The following ACOT13 variants were observed in gnomAD, a reference collection of about 807,000 sequenced individuals.
The protein encoded by ACOT13 is acyl-coenzyme A thioesterase 13.
In ACOT13, 10 loss-of-function variants were observed where a neutral mutation model predicts 11.8. The observed-to-expected ratio is 0.85, with a 90% CI of 0.53 to 1.44. The LOEUF (loss-of-function observed/expected upper bound fraction) is 1.44, where lower values mean the gene tolerates loss of function less well. Ranked by LOEUF, ACOT13 falls within the 40% of genes most tolerant of loss-of-function variation. The pLI, the probability that ACOT13 is intolerant of heterozygous loss-of-function variation, is 0.00. For missense variants in ACOT13, 172 were observed against 174.1 expected, an observed-to-expected ratio of 0.99 and a Z score of 0.07; for synonymous variants, 53 against 61.0, an observed-to-expected ratio of 0.87 and a Z score of 0.61.
At chr6:24,680,913 T>A (rs1463397343) in intron 1 of ACOT13, among the ~76,000 whole-genome samples, 1 of 152,236 alleles carries the variant, frequency 6.6e-6, no homozygotes, top group Non-Finnish European at 1.5e-5. Flanking sequence ...GCAATTTTTC[T>A]AACTCTGCTT....
intron 1 of ACOT13, among the ~76,000 whole-genome samples, chr6:24,677,831 T>C (rs937232018): frequency 1.3e-5 from 2 of 152,200 alleles, no homozygotes; most frequent in Admixed American, 1.3e-4. Flanking sequence ...CTTTAGGGTT[T>C]TGGGATGAGG....
At chr6:24,673,963 T>A (rs1299139806) in intron 1 of ACOT13, among the ~76,000 whole-genome samples, 2 of 152,254 alleles carry the variant, frequency 1.3e-5, no homozygotes, top group Non-Finnish European at 2.9e-5. Flanking sequence ...ACAAAAAAAA[T>A]TTGTTTTATA....
In ACOT13 at chr6:24,704,937, T is replaced by C. The variant is rs1778973948; in HGVS notation, c.*3322T>C. Reference sequence around the variant, plus strand: ...TTTCTTTTTCTTTTTTTCTTTTTTTTTCAAATTCCAACCAGAAGCTAAATA... The same window carrying C: ...TTTCTTTTTCTTTTTTTCTTTTTTTCTCAAATTCCAACCAGAAGCTAAATA... On this transcript the variant is annotated 3_prime_UTR_variant, in exon 3 of 3. Transcript: ENST00000230048. 6.6e-6 allele frequency: 1 copy of C among 152,452 alleles called. No individual in the cohort carries two copies. Among genetic ancestry groups the C allele is most frequent in the Admixed American group, 6.5e-5 (1 of 15,270 alleles). 9.4% of individuals were successfully genotyped at this position (152,452 alleles called of 1,614,324 possible). A position where few individuals can be genotyped will look rare whatever the true frequency, so the allele number is the denominator to read the frequency against.
intron 1 of ACOT13, among the ~76,000 whole-genome samples, chr6:24,683,500 C>T (rs985668619): frequency 4.0e-5 from 6 of 151,858 alleles, no homozygotes; most frequent in Admixed American, 1.3e-4. Context: ...TGTGCTGCTG[C>T]GCTCCAGCCT....
intron 1 of ACOT13, among the ~76,000 whole-genome samples, chr6:24,688,928 C>G (rs1476382803): frequency 6.6e-6 from 1 of 151,942 alleles, no homozygotes; most frequent in Non-Finnish European, 1.5e-5. Context: ...TAAGTAGGCA[C>G]AAAAGACATA....
chr6:24,671,815 C>T (rs548937632), intron 1 of ACOT13, among the ~76,000 whole-genome samples: 4 of 152,272 alleles, frequency 2.6e-5, no homozygotes, highest in Admixed American at 2.6e-4. Flanking sequence ...CTCTGTAGCA[C>T]ACAATAATTT....
chr6:24,682,262 C>G (rs1242175577), intron 1 of ACOT13, among the ~76,000 whole-genome samples: 1 of 152,190 alleles, frequency 6.6e-6, no homozygotes, highest in Non-Finnish European at 1.5e-5. Flanking sequence ...TATTACTCAC[C>G]GCTTTGGATG....
chr6:24,687,954 C>G (rs1056408613), intron 1 of ACOT13, among the ~76,000 whole-genome samples: 2 of 151,746 alleles, frequency 1.3e-5, no homozygotes, highest in South Asian at 2.1e-4. Flanking sequence ...CTCAAGTGAT[C>G]CTCCTGCCTC....
At chr6:24,694,540 C>T (rs1260242523) in intron 1 of ACOT13, among the ~76,000 whole-genome samples, 2 of 152,186 alleles carry the variant, frequency 1.3e-5, no homozygotes, top group Admixed American at 6.5e-5. Context: ...GTTGATATAA[C>T]TGAATAAACA....
chr6:24,668,322 G>A (rs1343630976), intron 1 of ACOT13, among the ~76,000 whole-genome samples: 1 of 151,768 alleles, frequency 6.6e-6, no homozygotes, highest in Non-Finnish European at 1.5e-5. Context: ...GGGTTCAAGT[G>A]ATTCTCATGC....
In ACOT13 at chr6:24,701,851, T is replaced by TTTTA; in HGVS notation, c.*238_*239insTATT. On this transcript the variant is annotated 3_prime_UTR_variant, in exon 3 of 3. Coordinates refer to ENST00000230048, the MANE Select transcript of ACOT13 (RefSeq NM_018473.4). ...GTGAAAAATTCTTAGCTCAAAGTGTTTTAAAAACAGGTAAAGCAAAGAAAC... is the reference window on the plus strand; with the variant it reads ...GTGAAAAATTCTTAGCTCAAAGTGTTTTTATTAAAAACAGGTAAAGCAAAGAAAC... The TTTTA allele has an allele frequency of 2.5e-6, 1 of 394,780 alleles. No homozygotes were observed. The highest frequency in any genetic ancestry group is 5.3e-5 in the South Asian group (1 of 18,878). 24.5% of individuals were successfully genotyped at this position (394,780 alleles called of 1,614,324 possible).
chr6:24,672,865 G>A (rs751551644), intron 1 of ACOT13, among the ~76,000 whole-genome samples: 6 of 152,070 alleles, frequency 3.9e-5, no homozygotes, highest in Non-Finnish European at 8.8e-5. Flanking sequence ...CCTCTTCTTC[G>A]ATAGTCTCTG....
intron 1 of ACOT13, among the ~76,000 whole-genome samples, chr6:24,685,735 TG>T (rs147316152): frequency 0.024 from 3,601 of 152,274 alleles, 137 homozygotes; most frequent in African/African-American, 0.08. Context: ...TGGCAAAGTC[TG>T]GAGACATTTT....
intron 2 of ACOT13, among the ~76,000 whole-genome samples, chr6:24,700,422 CACCT>C (rs1287892326): frequency 6.9e-6 from 1 of 144,560 alleles, no homozygotes; most frequent in East Asian, 2.1e-4. Context: ...CAATAAGATC[CACCT>C]TTTTTTTTTT....
chr6:24,684,840 C>A (rs1406748808), intron 1 of ACOT13, among the ~76,000 whole-genome samples: 1 of 151,948 alleles, frequency 6.6e-6, no homozygotes, highest in East Asian at 1.9e-4. Context: ...TAGCAAGACC[C>A]CTTCTCTACA....
intron 1 of ACOT13, among the ~76,000 whole-genome samples, chr6:24,675,318 A>G (rs1177825896): frequency 6.6e-6 from 1 of 152,144 alleles, no homozygotes; most frequent in Admixed American, 6.5e-5. Flanking sequence ...GTCTTCTACA[A>G]TGGTTGAACT....
At chr6:24,676,423 C>A (rs1317321334) in intron 1 of ACOT13, among the ~76,000 whole-genome samples, 1 of 151,948 alleles carries the variant, frequency 6.6e-6, no homozygotes, top group Non-Finnish European at 1.5e-5. Flanking sequence ...TTGTAGTTCT[C>A]CTTGAAGAGG....
At chr6:24,668,169 A>C (rs894948290) in intron 1 of ACOT13, among the ~76,000 whole-genome samples, 1 of 151,530 alleles carries the variant, frequency 6.6e-6, no homozygotes, top group Admixed American at 6.6e-5. Flanking sequence ...CCGCCTCCCA[A>C]AGTGCTGGGA....
rs562921568 is a variant in ACOT13 at position 24,689,439 on chromosome 6, TAGAG to T, written c.82-8440_82-8437del. On this transcript the variant is annotated intron_variant, in intron 1 of 2. Transcript: ENST00000230048. ...GAGTTTGAGTCCAGCCTGGGCAAAA[TAGAG>T]AGACCCCATCTCTAAAAAAATTAAA... Among the ~76,000 whole-genome samples, 4 of 152,094 alleles carry T rather than the reference TAGAG, an allele frequency of 2.6e-5. No homozygotes were observed. The South Asian group carries it at 8.3e-4, about 32-fold the overall frequency.
Sources: gnomAD v4.1 joint callset for allele counts (sites outside exome capture counted in the v4.1 genomes callset) on GRCh38, gnomAD v4.1.1 for gene constraint, MANE v1.5 for transcripts, NCBI Gene and HGNC (gene_info 2026-07-23, HGNC 2026-07-21) for gene names.